UBE2L3: variants seen among roughly 807,000 people sequenced by gnomAD.
UBE2L3 encodes ubiquitin-conjugating enzyme E2 L3.
A neutral mutation model predicts 17.8 loss-of-function variants in UBE2L3; 1 was observed. That is an observed-to-expected ratio of 0.06 (90% CI 0.02 to 0.27). The LOEUF (loss-of-function observed/expected upper bound fraction) is 0.27. Ranked by LOEUF, UBE2L3 falls within the 10% of genes least tolerant of loss-of-function variation. The pLI, the probability that UBE2L3 is intolerant of heterozygous loss-of-function variation, is 1.00. For missense variants in UBE2L3, 40 were observed against 192.6 expected (o/e 0.21, Z 4.69); for synonymous variants, 44 against 68.5 (o/e 0.64, Z 1.76).
rs1383689679 is a variant in UBE2L3 at position 21,622,783 on chromosome 22, C to CG, written c.*1117dup. ...CTCCTCCAGAGCAGCCAGCCCAGCC[C>CG]GGGAACAAGACGGACTTCCTCTCCC... On this transcript the variant is annotated 3_prime_UTR_variant, in exon 4 of 4. Coordinates refer to ENST00000342192, the MANE Select transcript of UBE2L3 (RefSeq NM_003347.4). 6.5e-6 allele frequency: 1 copy of CG among 152,912 alleles called. No homozygotes were observed. Among genetic ancestry groups the CG allele is most frequent in the African/African-American group, 2.4e-5 (1 of 41,434 alleles). The allele number at this position is 152,912 out of a possible 1,614,324, so 9.5% of individuals were successfully genotyped here.
intron 2 of UBE2L3, among the ~76,000 whole-genome samples, chr22:21,599,950 T>C (rs1408618333): frequency 2.0e-5 from 3 of 152,262 alleles, no homozygotes; most frequent in African/African-American, 7.2e-5. Flanking sequence ...GTGATTTTAA[T>C]TGTAGATACA....
chr22:21,573,557 G>T (rs560394175), intron 1 of UBE2L3, among the ~76,000 whole-genome samples: 1 of 152,294 alleles, frequency 6.6e-6, no homozygotes, highest in African/African-American at 2.4e-5. Context: ...ATGGCTTGCA[G>T]GAGAGGGAAA....
At chr22:21,556,850 T>C (rs1225349481) in intron 1 of UBE2L3, among the ~76,000 whole-genome samples, 4 of 152,252 alleles carry the variant, frequency 2.6e-5, no homozygotes, top group African/African-American at 7.2e-5. Flanking sequence ...GGTCAGGAGT[T>C]CGAGCCCAGC....
At chr22:21,553,069 T>G (rs1290331905) in intron 1 of UBE2L3, among the ~76,000 whole-genome samples, 26 of 19,610 alleles carry the variant, frequency 1.3e-3, no homozygotes, top group Middle Eastern at 0.02. Context: ...TATTTTATTT[T>G]TGAGACAGAG....
Position 21,598,195 on chromosome 22 carries a change from A to ATGTGTGTGTGTGTGTGTGTGTGTG in UBE2L3, c.123+5254_123+5255insGTGTGTGTGTGTGTGTGTGTGTGT, listed in dbSNP as rs371127802. On this transcript the variant is annotated intron_variant, in intron 2 of 3. Transcript: ENST00000342192. ...GATCTCTTCAAGGAAGGTTTCATTAATGTGTGTGTGTGTGTTTTTCATTTA... is the reference window on the plus strand; with the variant it reads ...GATCTCTTCAAGGAAGGTTTCATTAATGTGTGTGTGTGTGTGTGTGTGTGTGTGTGTGTGTGTGTTTTTCATTTA... Among the ~76,000 whole-genome samples the ATGTGTGTGTGTGTGTGTGTGTGTG allele has an allele frequency of 6.4e-3, 950 of 148,464 alleles. 13 individuals are homozygous for ATGTGTGTGTGTGTGTGTGTGTGTG. The highest frequency in any genetic ancestry group is 0.036 in the East Asian group (174 of 4,872).
chr22:21,592,162 A>G (rs975704466), intron 1 of UBE2L3, among the ~76,000 whole-genome samples: 1 of 152,088 alleles, frequency 6.6e-6, no homozygotes, highest in Admixed American at 6.6e-5. Flanking sequence ...ACATATTTGC[A>G]AGGGGTCCTG....
At chr22:21,560,960 A>G (rs538173576) in intron 1 of UBE2L3, among the ~76,000 whole-genome samples, 27 of 152,400 alleles carry the variant, frequency 1.8e-4, no homozygotes, top group African/African-American at 6.0e-4. Flanking sequence ...TTCATTCACT[A>G]AGCACAGAGA....
intron 2 of UBE2L3, among the ~76,000 whole-genome samples, chr22:21,598,143 TCTAG>T (rs1335036918): frequency 1.4e-5 from 2 of 146,062 alleles, no homozygotes; most frequent in Non-Finnish European, 3.0e-5. Flanking sequence ...CTTTTATCAG[TCTAG>T]CTAAAGTTTT....
At chr22:21,569,426 G>A (rs1926837505) in intron 1 of UBE2L3, among the ~76,000 whole-genome samples, 1 of 150,440 alleles carries the variant, frequency 6.6e-6, no homozygotes, top group South Asian at 2.1e-4. Context: ...GATTTCTGGA[G>A]TGCATGCCTT....
intron 1 of UBE2L3, among the ~76,000 whole-genome samples, chr22:21,588,427 G>C (rs116969442): frequency 2.3e-3 from 345 of 150,788 alleles, no homozygotes; most frequent in Non-Finnish European, 3.9e-3. Context: ...TATTCAGATG[G>C]AACTGATCTC....
chr22:21,567,490 A>G, upstream of UBE2L3: 1 of 698,558 alleles, frequency 1.4e-6, no homozygotes, highest in East Asian at 3.0e-5. Context: ...AGTATTTATT[A>G]TGCTCCTACT....
At chr22:21,591,890 G>A (rs1928285433) in intron 1 of UBE2L3, among the ~76,000 whole-genome samples, 1 of 152,172 alleles carries the variant, frequency 6.6e-6, no homozygotes, top group Non-Finnish European at 1.5e-5. Context: ...GGGTAGAGTG[G>A]CACTTCATGT....
upstream of UBE2L3, among the ~76,000 whole-genome samples, chr22:21,563,113 G>A (rs1177124114): frequency 1.3e-5 from 2 of 151,572 alleles, no homozygotes; most frequent in Admixed American, 6.6e-5. Flanking sequence ...ATAGAGGTGT[G>A]CACATGTAAT....
intron 1 of UBE2L3, among the ~76,000 whole-genome samples, chr22:21,576,801 C>CCT (rs1927325185): frequency 8.5e-6 from 1 of 118,142 alleles, no homozygotes; most frequent in Non-Finnish European, 1.7e-5. Context: ...CTTCTCTTTC[C>CCT]TTTTTTTTTT....
intron 2 of UBE2L3, among the ~76,000 whole-genome samples, chr22:21,605,964 C>T (rs1411347131): frequency 6.6e-6 from 1 of 152,214 alleles, no homozygotes; most frequent in Non-Finnish European, 1.5e-5. Context: ...CCACTGCACC[C>T]AGCCAAATCT....
rs148469344 is a variant in UBE2L3, at chr22:21,572,736, G to A, written c.27+4965G>A. On this transcript the variant is annotated intron_variant, in intron 1 of 3. Coordinates refer to ENST00000342192, the MANE Select transcript of UBE2L3 (RefSeq NM_003347.4). ...CTGAGCCAGACTCCAACCACTTCCA[G>A]AGTTTTCTTGGGAACGGCACATAGA... Among the ~76,000 whole-genome samples, 1,106 of 152,162 alleles carry A rather than the reference G, an allele frequency of 7.3e-3. 8 individuals carry two copies. Among genetic ancestry groups the A allele is most frequent in the Non-Finnish European group, 0.011 (716 of 68,014 alleles).
intron 1 of UBE2L3, among the ~76,000 whole-genome samples, chr22:21,585,425 G>A (rs1927881510): frequency 6.6e-6 from 1 of 152,172 alleles, no homozygotes; most frequent in Non-Finnish European, 1.5e-5. Flanking sequence ...TGGTCTTTAA[G>A]CCTGTATTCG....
intron 1 of UBE2L3, among the ~76,000 whole-genome samples, chr22:21,573,620 C>A (rs1927103061): frequency 6.6e-6 from 1 of 152,054 alleles, no homozygotes; most frequent in Admixed American, 6.5e-5. Flanking sequence ...CCTTTAAGCA[C>A]GAGTAGGGTT....
At chr22:21,601,690 A>G (rs986974411) in intron 2 of UBE2L3, among the ~76,000 whole-genome samples, 21 of 151,660 alleles carry the variant, frequency 1.4e-4, no homozygotes, top group African/African-American at 5.1e-4. Flanking sequence ...GGGCAGGGCC[A>G]GGCACGGTGG....
Sources: gnomAD v4.1 joint callset for allele counts (sites outside exome capture counted in the v4.1 genomes callset) on GRCh38, gnomAD v4.1.1 for gene constraint, MANE v1.5 for transcripts, NCBI Gene and HGNC (gene_info 2026-07-23, HGNC 2026-07-21) for gene names.